The following PKHD1 variants were observed in gnomAD, a reference collection of about 807,000 sequenced individuals.
PKHD1 encodes PKHD1 ciliary IPT domain containing fibrocystin/polyductin, also known as fibrocystin.
PKHD1 carries 291 observed loss-of-function variants against 412.0 expected under a neutral mutation model. That is an observed-to-expected ratio of 0.71 (90% confidence interval 0.64 to 0.78). The LOEUF is 0.78. PKHD1 is among the 30% of genes least tolerant of loss of function. The pLI is 0.00. For synonymous variants in PKHD1, 1,777 were observed against 1,821.5 expected (o/e 0.98, Z 0.62); for missense variants, 4,825 against 4,950.7 (o/e 0.97, Z 0.76).
intron 60 of PKHD1, among the ~76,000 whole-genome samples, chr6:51,663,338 A>C (rs1027844386): frequency 6.6e-6 from 1 of 152,212 alleles, no homozygotes; most frequent in Non-Finnish European, 1.5e-5. Context: ...CATCTAAGAG[A>C]TATAATGTCT....
intron 60 of PKHD1, among the ~76,000 whole-genome samples, chr6:51,703,241 T>C (rs1211990047): frequency 6.6e-6 from 1 of 152,050 alleles, no homozygotes; most frequent in Admixed American, 6.6e-5. Context: ...TGATTGAGGA[T>C]CCTTTTGTTG....
intron 35 of PKHD1, among the ~76,000 whole-genome samples, chr6:51,967,341 T>G (rs2474892): frequency 7.9e-5 from 12 of 152,096 alleles, no homozygotes; most frequent in Non-Finnish European, 1.8e-4. Flanking sequence ...TAGGAAAAGT[T>G]TGGGGACCCC....
intron 50 of PKHD1, among the ~76,000 whole-genome samples, chr6:51,844,503 G>T (rs1308862371): frequency 3.3e-5 from 5 of 152,140 alleles, no homozygotes; most frequent in Non-Finnish European, 7.4e-5. Flanking sequence ...CATCCTTTCT[G>T]GTCAGTGATC....
At chr6:51,791,105 G>T in intron 53 of PKHD1, 131 bp downstream of exon 53, 1 of 874,120 alleles carries the variant, frequency 1.1e-6, no homozygotes, top group Non-Finnish European at 1.9e-6. Flanking sequence ...CTTTACTGGT[G>T]CACTCACTAC....
chr6:51,681,087 T>C (rs959113742), intron 60 of PKHD1, among the ~76,000 whole-genome samples: 4 of 152,044 alleles, frequency 2.6e-5, no homozygotes, highest in Non-Finnish European at 5.9e-5. Context: ...CCCCATTTTG[T>C]CACTGCTGCC....
chr6:51,762,360 A>C (rs1041890789), intron 55 of PKHD1, among the ~76,000 whole-genome samples: 1 of 152,076 alleles, frequency 6.6e-6, no homozygotes, highest in Non-Finnish European at 1.5e-5. Context: ...GATATACATA[A>C]CATTTGTAAT....
intron 60 of PKHD1, among the ~76,000 whole-genome samples, chr6:51,688,782 C>T (rs1377015792): frequency 2.0e-5 from 3 of 152,082 alleles, no homozygotes; most frequent in Non-Finnish European, 2.9e-5. Flanking sequence ...CACATACACC[C>T]TCCCAAGGCT....
intron 25 of PKHD1, 29 bp downstream of exon 25, chr6:52,044,937 T>A: frequency 6.2e-7 from 1 of 1,612,388 alleles, no homozygotes; most frequent in Middle Eastern, 1.7e-4. Flanking sequence ...AACTGGAGCT[T>A]GCACTTAGGG....
chr6:52,062,356 C>T (rs1333500942), intron 14 of PKHD1, among the ~76,000 whole-genome samples, 163 bp downstream of exon 14: 1 of 152,248 alleles, frequency 6.6e-6, no homozygotes, highest in African/African-American at 2.4e-5. Flanking sequence ...CCTGCACTAG[C>T]ATGACCAACA....
At chr6:51,925,920 A>C (rs553129507) in intron 37 of PKHD1, among the ~76,000 whole-genome samples, 1 of 152,100 alleles carries the variant, frequency 6.6e-6, no homozygotes, top group South Asian at 2.1e-4. Flanking sequence ...TATTCAAGCA[A>C]ATATTTTTTA....
intron 49 of PKHD1, among the ~76,000 whole-genome samples, chr6:51,848,204 A>C (rs1459191265): frequency 6.6e-6 from 1 of 152,224 alleles, no homozygotes; most frequent in African/African-American, 2.4e-5. Context: ...AGACTGAAAG[A>C]TGCCATAAGG....
chr6:52,043,887 A>G (rs1190849458), intron 25 of PKHD1, among the ~76,000 whole-genome samples, 157 bp from the exon 26 acceptor site: 1 of 152,200 alleles, frequency 6.6e-6, no homozygotes, highest in Admixed American at 6.5e-5. Context: ...CTTAAATTGC[A>G]ATGAATGGCT....
chr6:52,032,313 G>T (rs1436174060), intron 29 of PKHD1, among the ~76,000 whole-genome samples: 1 of 152,070 alleles, frequency 6.6e-6, no homozygotes, highest in African/African-American at 2.4e-5. Flanking sequence ...ACCAGAAAGG[G>T]AAGTTACCTG....
chr6:51,637,040 G>A lies in PKHD1; in HGVS notation c.11506+1809C>T, dbSNP rs372051798. Among the ~76,000 whole-genome samples, 11 of 152,266 alleles carry A rather than the reference G, an allele frequency of 7.2e-5. No individual in the cohort carries two copies. The South Asian group carries it at 2.3e-3, about 32-fold the overall frequency. On this transcript the variant is annotated intron_variant, in intron 64 of 66. Coordinates refer to ENST00000371117, the MANE Select transcript of PKHD1 (RefSeq NM_138694.4). ...CTACAATAAAGCAGTAGTCTACTAAGTGTGAACACCAAGACCAGTTCAAAA... is the reference window on the plus strand; with the variant it reads ...CTACAATAAAGCAGTAGTCTACTAAATGTGAACACCAAGACCAGTTCAAAA...
At chr6:51,807,473 A>G (rs1478521718) in intron 52 of PKHD1, among the ~76,000 whole-genome samples, 51 of 118,760 alleles carry the variant, frequency 4.3e-4, no homozygotes, top group South Asian at 7.9e-4. Context: ...ATATATATAT[A>G]TATATATGTA....
At chr6:51,956,738 C>T (rs1411630625) in intron 36 of PKHD1, among the ~76,000 whole-genome samples, 1 of 151,976 alleles carries the variant, frequency 6.6e-6, no homozygotes, top group Non-Finnish European at 1.5e-5. Context: ...TTGATATTTT[C>T]TCAAAGAGCA....
intron 37 of PKHD1, among the ~76,000 whole-genome samples, chr6:51,932,812 T>G (rs1013392187): frequency 4.6e-5 from 7 of 152,326 alleles, no homozygotes; most frequent in Admixed American, 2.0e-4. Flanking sequence ...AACACTTAAA[T>G]GCTTGAGGAA....
At chr6:51,630,678 T>G (rs1261967018) in intron 65 of PKHD1, among the ~76,000 whole-genome samples, 1 of 152,152 alleles carries the variant, frequency 6.6e-6, no homozygotes, top group East Asian at 1.9e-4. Flanking sequence ...AACCAGAGAA[T>G]CTTTTTTTAT....
Position 52,048,509 on chromosome 6 carries a change from G to A in PKHD1, c.2390C>T (p.Pro797Leu), listed in dbSNP as rs539012309. The change falls in exon 23 of 67, where the codon CCT becomes CTT. Residue 797 changes from proline (P) to leucine (L), a missense_variant. Transcript: ENST00000371117. ...PLGGHFRIQLPNTVISDVPVQ... is the reference protein window; with the variant it reads ...PLGGHFRIQLLNTVISDVPVQ... ...CCCTTTACCAGAAATCACTGTATTAGGAAGCTGGATGCGAAAGTGTCCTCC... is the reference window on the plus strand; with the variant it reads ...CCCTTTACCAGAAATCACTGTATTAAGAAGCTGGATGCGAAAGTGTCCTCC... 1 of 1,614,110 alleles carries A rather than the reference G, an allele frequency of 6.2e-7. No individual in the cohort carries two copies. The highest frequency in any genetic ancestry group is 1.1e-5 in the South Asian group (1 of 91,076).
Sources: gnomAD v4.1 joint callset for allele counts (sites outside exome capture counted in the v4.1 genomes callset) on GRCh38, gnomAD v4.1.1 for gene constraint, MANE v1.5 for transcripts, NCBI Gene and HGNC (gene_info 2026-07-23, HGNC 2026-07-21) for gene names.